The following OSBPL6 variants were observed in gnomAD, a reference collection of about 807,000 sequenced individuals.
OSBPL6 encodes the protein oxysterol-binding protein-related protein 6.
A neutral mutation model predicts 125.8 loss-of-function variants in OSBPL6; 49 were observed. That is an observed-to-expected ratio of 0.39 (90% CI 0.31 to 0.49). OSBPL6 has a LOEUF of 0.49. Among genes scored for constraint, OSBPL6 ranks in the 20% least tolerant of loss-of-function variants. OSBPL6 has a pLI of 0.88. For synonymous variants in OSBPL6, 394 were observed against 391.8 expected (o/e 1.01, Z -0.07); for missense variants, 986 against 1,135.4 (o/e 0.87, Z 1.89).
At position 178,207,938 on chromosome 2, in the gene OSBPL6, T is replaced by C. The variant is rs372358814; in HGVS notation, c.-351+13264T>C. On this transcript the variant is annotated intron_variant, in intron 1 of 24. Coordinates refer to ENST00000190611, the MANE Select transcript of OSBPL6 (RefSeq NM_032523.4). ...GCAAATATTAACCAAATTATGGAGA[T>C]TGAATTTAGAGAACTTGTGTGCCAG... Among the ~76,000 whole-genome samples, 8 of 152,204 alleles carry C rather than the reference T, an allele frequency of 5.3e-5. No homozygotes were observed. In the East Asian group the frequency reaches 1.2e-3, roughly 22 times the overall value.
intron 13 of OSBPL6, among the ~76,000 whole-genome samples, chr2:178,366,571 G>A (rs542844428): frequency 1.4e-4 from 21 of 152,246 alleles, no homozygotes; most frequent in African/African-American, 3.9e-4. Flanking sequence ...CTTCAGAGGC[G>A]GTGAATGTGG....
At position 178,396,829 on chromosome 2, in the gene OSBPL6, C is replaced by A. The variant is rs758530245; in HGVS notation, c.*1270C>A. 1 of 152,168 alleles carries A rather than the reference C, an allele frequency of 6.6e-6. No individual in the cohort carries two copies. The highest frequency in any genetic ancestry group is 1.5e-5 in the Non-Finnish European group (1 of 68,026). 9.4% of individuals were successfully genotyped at this position (152,168 alleles called of 1,614,324 possible). On this transcript the variant is annotated 3_prime_UTR_variant, in exon 25 of 25. Coordinates refer to ENST00000190611, the MANE Select transcript of OSBPL6 (RefSeq NM_032523.4). ...AAGCAGAAGTGTGTTTTGCATACTTCAGGATTTGTTTTTCCTCCACTAATA... is the reference window on the plus strand; with the variant it reads ...AAGCAGAAGTGTGTTTTGCATACTTAAGGATTTGTTTTTCCTCCACTAATA...
chr2:178,381,466 G>A (rs1694470214), intron 15 of OSBPL6, among the ~76,000 whole-genome samples: 2 of 152,086 alleles, frequency 1.3e-5, no homozygotes, highest in South Asian at 4.1e-4. Context: ...CGATTCTCCT[G>A]CCTCAGCCTC....
intron 1 of OSBPL6, among the ~76,000 whole-genome samples, chr2:178,220,800 T>C (rs180754469): frequency 2.0e-5 from 3 of 152,326 alleles, no homozygotes; most frequent in Admixed American, 6.5e-5. Context: ...CACTTATGGT[T>C]CTACCTCTGT....
At chr2:178,382,035 T>C (rs1448253121) in intron 15 of OSBPL6, among the ~76,000 whole-genome samples, 2 of 152,256 alleles carry the variant, frequency 1.3e-5, no homozygotes, top group African/African-American at 4.8e-5. Context: ...CAGCCTCTCC[T>C]GAGTCCTCTA....
chr2:178,392,052 C>T (rs1033293993), intron 22 of OSBPL6, among the ~76,000 whole-genome samples: 8 of 152,150 alleles, frequency 5.3e-5, no homozygotes, highest in African/African-American at 1.7e-4. Flanking sequence ...TAAAAGGAAG[C>T]AAACAAGTGT....
intron 3 of OSBPL6, among the ~76,000 whole-genome samples, chr2:178,318,314 T>C (rs1687945810): frequency 6.6e-6 from 1 of 152,220 alleles, no homozygotes; most frequent in Non-Finnish European, 1.5e-5. Context: ...GTGCTCACTT[T>C]GCTTTTCTCC....
intron 2 of OSBPL6, among the ~76,000 whole-genome samples, chr2:178,304,992 C>A (rs1429422812): frequency 1.3e-5 from 2 of 152,118 alleles, no homozygotes; most frequent in African/African-American, 2.4e-5. Context: ...AGTGTCTCAC[C>A]CTCTGGACTG....
chr2:178,256,292 A>G (rs2091886135), intron 1 of OSBPL6, among the ~76,000 whole-genome samples: 1 of 152,246 alleles, frequency 6.6e-6, no homozygotes, highest in African/African-American at 2.4e-5. Context: ...ATTTTGTGGA[A>G]TTAGATGTGA....
chr2:178,212,005 G>T (rs1024986509), intron 1 of OSBPL6, among the ~76,000 whole-genome samples: 2 of 152,156 alleles, frequency 1.3e-5, no homozygotes, highest in African/African-American at 4.8e-5. Flanking sequence ...GAAGTTGGGG[G>T]CTGCTTTGCC....
intron 3 of OSBPL6, among the ~76,000 whole-genome samples, chr2:178,316,368 A>G (rs770955345): frequency 1.3e-5 from 2 of 152,262 alleles, no homozygotes; most frequent in Admixed American, 6.5e-5. Flanking sequence ...AAAAATGTTT[A>G]TCAAAGTATT....
At chr2:178,378,459 C>T (rs1041055949) in intron 15 of OSBPL6, among the ~76,000 whole-genome samples, 4 of 152,222 alleles carry the variant, frequency 2.6e-5, no homozygotes, top group African/African-American at 9.6e-5. Flanking sequence ...TTTACCAATG[C>T]ACTTTACTGA....
chr2:178,311,124 C>T (rs150249173), intron 3 of OSBPL6, among the ~76,000 whole-genome samples: 112 of 152,332 alleles, frequency 7.4e-4, no homozygotes, highest in South Asian at 1.2e-3. Flanking sequence ...GTCTACGATG[C>T]CATTCATAAT....
intron 1 of OSBPL6, among the ~76,000 whole-genome samples, chr2:178,265,188 A>G: frequency 1.4e-5 from 1 of 71,622 alleles, no homozygotes; most frequent in Non-Finnish European, 3.0e-5. Flanking sequence ...GGCCCAGACG[A>G]GACTTTTTTT....
At chr2:178,222,599 A>G (rs767616132) in intron 1 of OSBPL6, among the ~76,000 whole-genome samples, 42 of 152,168 alleles carry the variant, frequency 2.8e-4, no homozygotes, top group Non-Finnish European at 4.6e-4. Flanking sequence ...GCAGAGATCT[A>G]TCTCGCCATT....
intron 9 of OSBPL6, among the ~76,000 whole-genome samples, chr2:178,337,072 C>T (rs971908707): frequency 1.3e-4 from 20 of 152,170 alleles, no homozygotes; most frequent in Admixed American, 7.2e-4. Flanking sequence ...TCACCTTCCT[C>T]GTAATTAGCC....
At chr2:178,310,412 CT>C (rs71023440) in intron 3 of OSBPL6, among the ~76,000 whole-genome samples, 1,330 of 85,660 alleles carry the variant, frequency 0.016, 9 homozygotes, top group African/African-American at 0.048. Flanking sequence ...AAACTGAACT[CT>C]TTTTTTTTTT....
intron 1 of OSBPL6, among the ~76,000 whole-genome samples, chr2:178,281,215 G>A (rs1050224049): frequency 7.9e-5 from 12 of 152,056 alleles, no homozygotes; most frequent in South Asian, 6.3e-4. Context: ...GTTTTCCCAC[G>A]TTGGCCAGTC....
At chr2:178,205,237 T>C (rs1034075870) in intron 1 of OSBPL6, among the ~76,000 whole-genome samples, 5 of 152,132 alleles carry the variant, frequency 3.3e-5, no homozygotes, top group African/African-American at 9.7e-5. Context: ...GAGGTTGAAG[T>C]GACAGCTCAT....
Sources: allele counts gnomAD v4.1 joint callset (sites outside exome capture counted in the v4.1 genomes callset), GRCh38; gene constraint gnomAD v4.1.1; transcripts MANE v1.5; gene names NCBI Gene and HGNC (gene_info 2026-07-23, HGNC 2026-07-21).